STK3: variants seen among roughly 807,000 people sequenced by gnomAD.
The protein encoded by STK3 is serine/threonine-protein kinase 3.
STK3 carries 41 observed loss-of-function variants against 58.0 expected under a neutral mutation model. The observed-to-expected ratio is 0.71, with a 90% CI of 0.55 to 0.92. The LOEUF (loss-of-function observed/expected upper bound fraction) is 0.92. Among genes scored for constraint, STK3 ranks in the 40% least tolerant of loss-of-function variants. The probability of loss-of-function intolerance (pLI) is 0.00; values close to 1 mark genes in which losing one functional copy is unlikely to be tolerated. For synonymous variants in STK3, 170 were observed against 191.0 expected, an observed-to-expected ratio of 0.89 and a Z score of 0.91; for missense variants, 479 against 602.7, an observed-to-expected ratio of 0.79 and a Z score of 2.15.
chr8:98,923,948 T>A (rs1249900531), intron 1 of STK3, among the ~76,000 whole-genome samples: 1 of 152,016 alleles, frequency 6.6e-6, no homozygotes, highest in Non-Finnish European at 1.5e-5. Context: ...TCTTTTTATT[T>A]TTTTCCCCCT....
chr8:98,541,875 A>T (rs1226780799), intron 9 of STK3, among the ~76,000 whole-genome samples: 1 of 152,240 alleles, frequency 6.6e-6, no homozygotes, highest in Admixed American at 6.5e-5. Context: ...ATGCTGACTT[A>T]TAACGATCCT....
intron 1 of STK3, among the ~76,000 whole-genome samples, chr8:98,801,535 G>A (rs1413132020): frequency 6.6e-6 from 1 of 151,968 alleles, no homozygotes; most frequent in Admixed American, 6.6e-5. Context: ...GAACCCACCG[G>A]GAGGAATGAA....
chr8:98,447,421 A>G (rs1818998375), intron 1 of STK3, among the ~76,000 whole-genome samples: 1 of 151,864 alleles, frequency 6.6e-6, no homozygotes, highest in Non-Finnish European at 1.5e-5. Context: ...AAATGAATTG[A>G]CTTCTAATTG....
At chr8:98,396,181 G>A (rs537488868) in intron 3 of STK3, among the ~76,000 whole-genome samples, 2 of 152,294 alleles carry the variant, frequency 1.3e-5, no homozygotes, top group East Asian at 3.9e-4. Context: ...TAAAGACAAG[G>A]ATTATAAAAT....
At chr8:98,799,106 C>T (rs987702987) in intron 1 of STK3, among the ~76,000 whole-genome samples, 4 of 152,152 alleles carry the variant, frequency 2.6e-5, no homozygotes, top group Non-Finnish European at 2.9e-5. Context: ...TACAGCAGCA[C>T]AAACAGACTT....
intron 6 of STK3, among the ~76,000 whole-genome samples, chr8:98,654,993 T>C (rs1821353601): frequency 6.6e-6 from 1 of 151,802 alleles, no homozygotes; most frequent in African/African-American, 2.4e-5. Context: ...ACTTTAAAGT[T>C]CATATGGAAA....
At chr8:98,754,233 CTT>C (rs1250737543) in intron 3 of STK3, among the ~76,000 whole-genome samples, 1 of 151,950 alleles carries the variant, frequency 6.6e-6, no homozygotes, top group Non-Finnish European at 1.5e-5. Flanking sequence ...TAAATACAGA[CTT>C]AGAACTGCAA....
chr8:98,794,216 C>G (rs1334123950), intron 1 of STK3, among the ~76,000 whole-genome samples: 1 of 151,706 alleles, frequency 6.6e-6, no homozygotes, highest in Non-Finnish European at 1.5e-5. Flanking sequence ...TACAAAGGAT[C>G]GATGAAACAA....
intron 9 of STK3, among the ~76,000 whole-genome samples, chr8:98,528,952 A>G (rs531109183): frequency 6.6e-6 from 1 of 152,258 alleles, no homozygotes; most frequent in South Asian, 2.1e-4. Context: ...TTCATAGGAT[A>G]TATGTTTCAG....
intron 10 of STK3, among the ~76,000 whole-genome samples, chr8:98,520,510 C>T (rs1825271530): frequency 6.6e-6 from 1 of 152,092 alleles, no homozygotes; most frequent in Admixed American, 6.6e-5. Flanking sequence ...TAGGAATCTG[C>T]TCTGAGTACC....
intron 3 of STK3, among the ~76,000 whole-genome samples, chr8:98,418,419 C>T (rs1385865014): frequency 6.6e-6 from 1 of 152,186 alleles, no homozygotes; most frequent in East Asian, 1.9e-4. Context: ...CTGGAAGTAA[C>T]CATGGAAACA....
At chr8:98,738,299 C>G (rs561011627) in intron 4 of STK3, among the ~76,000 whole-genome samples, 1 of 151,862 alleles carries the variant, frequency 6.6e-6, no homozygotes, top group Non-Finnish European at 1.5e-5. Flanking sequence ...GTGGCGAAAC[C>G]CTATCTCTAC....
rs141703914 is a variant in STK3, at chr8:98,789,682, A to G, written c.27-14863T>C. ...GAGATAGATAAATTCCTGGAAAGAT[A>G]AAACCTTCCTGGCTTAAATCAGGAA... On this transcript the variant is annotated intron_variant, in intron 1 of 10. Coordinates refer to ENST00000419617, the MANE Select transcript of STK3 (RefSeq NM_006281.4). 3.4e-3 allele frequency among the ~76,000 whole-genome samples: 520 copies of G among 152,304 alleles called. 4 individuals are homozygous for G. Among genetic ancestry groups the G allele is most frequent in the Non-Finnish European group, 5.6e-3 (383 of 68,018 alleles).
intron 1 of STK3, among the ~76,000 whole-genome samples, chr8:98,803,405 T>A (rs934571663): frequency 3.3e-5 from 5 of 151,716 alleles, no homozygotes; most frequent in African/African-American, 9.7e-5. Flanking sequence ...GCATCCTAGC[T>A]AACATGGTGA....
chr8:98,774,666 A>C, intron 2 of STK3, 73 bp downstream of exon 2: 1 of 1,086,580 alleles, frequency 9.2e-7, no homozygotes, highest in South Asian at 1.6e-5. Flanking sequence ...CTCTAGTTGA[A>C]AGATTAACAT....
At chr8:98,582,321 C>T (rs930499896) in intron 7 of STK3, among the ~76,000 whole-genome samples, 1 of 151,884 alleles carries the variant, frequency 6.6e-6, no homozygotes, top group Non-Finnish European at 1.5e-5. Context: ...AGCCCCTTGC[C>T]TGACATAAAT....
At chr8:98,597,579 C>A in intron 6 of STK3, 1 of 985,346 alleles carries the variant, frequency 1.0e-6, no homozygotes, top group African/African-American at 1.7e-5. Context: ...CCAAATAGTG[C>A]CAGTGGACCT....
At position 98,761,822 on chromosome 8, in the gene STK3, TTTTA is replaced by T. The variant is rs761072752; in HGVS notation, c.236+5417_236+5420del. The stretch of plus-strand genomic sequence containing the variant: ...CATGGTGATTTTGAAACTTTTGATT[TTTTA>T]TTTATTTATTTATTTATTTATTTGC... On this transcript the variant is annotated intron_variant, in intron 3 of 10. Coordinates refer to ENST00000419617, the MANE Select transcript of STK3 (RefSeq NM_006281.4). 8.7e-3 allele frequency among the ~76,000 whole-genome samples: 1,319 copies of T among 151,968 alleles called. 9 individuals are homozygous for T. The highest frequency in any genetic ancestry group is 0.029 in the African/African-American group (1,189 of 41,484).
chr8:98,505,117 C>A (rs1380888543), intron 10 of STK3, among the ~76,000 whole-genome samples: 1 of 151,988 alleles, frequency 6.6e-6, no homozygotes, highest in East Asian at 1.9e-4. Flanking sequence ...CTAACCTTGT[C>A]CTCTCACTTT....
Sources: gnomAD v4.1 joint callset for allele counts (sites outside exome capture counted in the v4.1 genomes callset) on GRCh38, gnomAD v4.1.1 for gene constraint, MANE v1.5 for transcripts, NCBI Gene and HGNC (gene_info 2026-07-23, HGNC 2026-07-21) for gene names.